Variants in C2orf42 observed in about 807,000 individuals in gnomAD.
C2orf42 encodes the protein uncharacterized protein C2orf42.
Under a neutral mutation model 58.9 loss-of-function variants are expected in C2orf42, and 44 were observed. The observed-to-expected ratio is 0.75, with a 90% CI of 0.59 to 0.96. The LOEUF (loss-of-function observed/expected upper bound fraction) is 0.96. C2orf42 is among the 40% of genes least tolerant of loss of function. The pLI is 0.00. For synonymous variants in C2orf42, 239 were observed against 265.4 expected (o/e 0.90, Z 0.97); for missense variants, 630 against 699.2 (o/e 0.90, Z 1.12).
chr2:70,151,076 G>A (rs1020978806), intron 9 of C2orf42, among the ~76,000 whole-genome samples: 2 of 152,156 alleles, frequency 1.3e-5, no homozygotes, highest in Non-Finnish European at 2.9e-5. Flanking sequence ...TTTAGGCCAG[G>A]CATGGTAGTT....
chr2:70,178,960 G>A (rs188754778), intron 4 of C2orf42, among the ~76,000 whole-genome samples: 4 of 151,758 alleles, frequency 2.6e-5, no homozygotes. Context: ...GTGTGTGGGT[G>A]TGTGTATGTG....
At position 70,181,166 on chromosome 2, in the gene C2orf42, T is replaced by G; in HGVS notation, c.820A>C (p.Ser274Arg). The G allele has an allele frequency of 2.6e-6, 4 of 1,548,760 alleles. No individual in the cohort carries two copies. Among genetic ancestry groups the G allele is most frequent in the Non-Finnish European group, 3.5e-6 (4 of 1,141,982 alleles). The change falls in exon 3 of 10, where the codon AGC (serine) becomes CGC (arginine). Residue 274 changes from serine to arginine, a missense_variant. By Grantham distance (110) the Ser-to-Arg change is moderately radical. Coordinates refer to ENST00000264434, the MANE Select transcript of C2orf42 (RefSeq NM_017880.3). The part of the protein sequence containing the change: ...EFSDFLNFDS[S>R]GLKEIIVPQL... ...CCACATCAACCATACCACCTACCGC[T>G]GGAATCAAAATTTAGGAAGTCTGAG...
chr2:70,150,282 T>G lies in C2orf42; in HGVS notation c.*74A>C. 7.7e-7 allele frequency: 1 copy of G among 1,301,370 alleles called. No individual in the cohort carries two copies. The highest frequency in any genetic ancestry group is 1.7e-5 in the Admixed American group (1 of 58,998). 80.6% of individuals were successfully genotyped at this position (1,301,370 alleles called of 1,614,324 possible). A position where few individuals can be genotyped will look rare whatever the true frequency, so the allele number is the denominator to read the frequency against. On this transcript the variant is annotated 3_prime_UTR_variant, in exon 10 of 10. Coordinates refer to ENST00000264434, the MANE Select transcript of C2orf42 (RefSeq NM_017880.3). ...CAAGGAACAGGGCCATCTAAGTGCC[T>G]AACTAGCATTTAAAGTTGTCAAGGG...
intron 1 of C2orf42, 97 bp downstream of exon 1, chr2:70,190,876 C>G (rs1163554908): frequency 6.6e-6 from 1 of 152,574 alleles, no homozygotes; most frequent in African/African-American, 2.4e-5. Context: ...TACACCCCTG[C>G]CCCACCGCCG....
chr2:70,174,733 C>T (rs56219332), intron 5 of C2orf42, among the ~76,000 whole-genome samples: 22,877 of 149,970 alleles, frequency 0.15, 2,777 homozygotes, highest in African/African-American at 0.33. Context: ...GAAAATGGTG[C>T]GATCTTGGCT....
chr2:70,181,898 G>C lies in C2orf42; in HGVS notation c.88C>G (p.Arg30Gly), dbSNP rs1051079168. The C allele has an allele frequency of 6.2e-7, 1 of 1,613,622 alleles. No individual in the cohort carries two copies. Among genetic ancestry groups the C allele is most frequent in the South Asian group, 1.1e-5 (1 of 91,072 alleles). The change falls in exon 3 of 10, where the codon CGA becomes GGA. Residue 30 changes from arginine (R) to glycine (G), a missense_variant. Transcript: ENST00000264434. ...ATLRGIRKCP[R>G]CGTYNGTRGL... ...CGGGTTCCATTGTATGTGCCACATCGGGGACACTTTCTGATTCCCCTCAAT... is the reference window on the plus strand; with the variant it reads ...CGGGTTCCATTGTATGTGCCACATCCGGGACACTTTCTGATTCCCCTCAAT...
At chr2:70,186,166 A>G (rs1674918629) in intron 1 of C2orf42, among the ~76,000 whole-genome samples, 1 of 152,038 alleles carries the variant, frequency 6.6e-6, no homozygotes, top group African/African-American at 2.4e-5. Context: ...ATGGATTCTT[A>G]GAATATTGTT....
intron 8 of C2orf42, among the ~76,000 whole-genome samples, chr2:70,163,376 C>CT (rs567880490): frequency 3.7e-4 from 56 of 151,926 alleles, no homozygotes; most frequent in Admixed American, 1.4e-3. Context: ...TCCCGAGTAG[C>CT]TGGGACTACA....
intron 7 of C2orf42, 150 bp from the exon 8 acceptor site, chr2:70,165,342 G>T (rs1673325943): frequency 1.6e-6 from 1 of 641,040 alleles, no homozygotes; most frequent in Non-Finnish European, 2.7e-6. Context: ...ATATATAAAA[G>T]GTTTTGGTGA....
chr2:70,172,068 C>A (rs1402368531), intron 5 of C2orf42, among the ~76,000 whole-genome samples: 1 of 151,240 alleles, frequency 6.6e-6, no homozygotes, highest in Non-Finnish European at 1.5e-5. Context: ...ACTAAAAATA[C>A]AAAAAATTAG....
At chr2:70,188,563 C>G (rs975574436) in intron 1 of C2orf42, among the ~76,000 whole-genome samples, 2 of 152,158 alleles carry the variant, frequency 1.3e-5, no homozygotes, top group Non-Finnish European at 2.9e-5. Context: ...AGATAGAACA[C>G]AGTTCCCAAA....
rs762758178 is a variant in C2orf42, at chr2:70,150,554, G to A, written c.1527C>T (p.Ser509=). 1.7e-5 allele frequency: 27 copies of A among 1,612,810 alleles called. 1 individual carries two copies. The Admixed American group carries it at 4.5e-4, about 27-fold the overall frequency. The change falls in exon 10 of 10, where the codon TCC becomes TCT. Residue 509 remains serine, a synonymous_variant. Coordinates refer to ENST00000264434, the MANE Select transcript of C2orf42 (RefSeq NM_017880.3). ...LKTFLKVGNT[S]PDQKEPTPFI... Reference sequence around the variant, plus strand: ...AAGGTGTTGGCTCCTTTTGATCTGGGGAAGTGTTGCCTAAAGAGAAGAAAG... The same window carrying A: ...AAGGTGTTGGCTCCTTTTGATCTGGAGAAGTGTTGCCTAAAGAGAAGAAAG...
At chr2:70,153,516 G>A (rs542191858) in intron 9 of C2orf42, among the ~76,000 whole-genome samples, 2 of 151,006 alleles carry the variant, frequency 1.3e-5, no homozygotes, top group African/African-American at 4.9e-5. Context: ...CCGCCACCAC[G>A]CCCAGCTAAT....
intron 1 of C2orf42, among the ~76,000 whole-genome samples, chr2:70,183,165 TGGTGG>T (rs1332384687): frequency 6.6e-6 from 1 of 152,122 alleles, no homozygotes; most frequent in Non-Finnish European, 1.5e-5. Flanking sequence ...AGGTCTGGCA[TGGTGG>T]CTCACTCCTG....
intron 4 of C2orf42, among the ~76,000 whole-genome samples, chr2:70,178,607 CTAAATAAA>C (rs1019314839): frequency 1.3e-5 from 2 of 151,104 alleles, no homozygotes; most frequent in African/African-American, 4.9e-5. Flanking sequence ...GACTCCATCT[CTAAATAAA>C]TAAATAAATA....
At chr2:70,187,353 T>C (rs57586626) in intron 1 of C2orf42, among the ~76,000 whole-genome samples, 18,148 of 149,764 alleles carry the variant, frequency 0.12, 1,442 homozygotes, top group African/African-American at 0.23. Context: ...CGGGTTCAAG[T>C]GATTCTCCTG....
Position 70,160,737 on chromosome 2 carries a change from A to G in C2orf42, c.1404T>C (p.Tyr468=), listed in dbSNP as rs1212758448. ...CCACTTTAGGGCATTTAAATAGCTC[A>G]TAAGTCCCATCTCGGTTCTGGATAA... The part of the protein sequence containing the change: ...RSFIQNRDGT[Y]ELFKCPKVEV... Residue 468 remains tyrosine, a synonymous_variant, in exon 9 of 10, where the codon TAT becomes TAC. Coordinates refer to ENST00000264434, the MANE Select transcript of C2orf42 (RefSeq NM_017880.3). 4 of 1,611,916 alleles carry G rather than the reference A, an allele frequency of 2.5e-6. No individual in the cohort carries two copies. The highest frequency in any genetic ancestry group is 1.3e-5 in the African/African-American group (1 of 74,786).
chr2:70,174,534 C>T (rs1002438603), intron 5 of C2orf42, among the ~76,000 whole-genome samples: 2 of 152,104 alleles, frequency 1.3e-5, no homozygotes, highest in Admixed American at 6.6e-5. Context: ...GTGTGGTATG[C>T]ATGCATATAG....
At chr2:70,162,324 T>G (rs913664337) in intron 8 of C2orf42, among the ~76,000 whole-genome samples, 26 of 140,756 alleles carry the variant, frequency 1.8e-4, no homozygotes, top group African/African-American at 7.7e-4. Context: ...TTGCTTTCTT[T>G]CTTTCTTTCT....
Sources: gnomAD v4.1 joint callset for allele counts (sites outside exome capture counted in the v4.1 genomes callset) on GRCh38, gnomAD v4.1.1 for gene constraint, MANE v1.5 for transcripts, NCBI Gene and HGNC (gene_info 2026-07-23, HGNC 2026-07-21) for gene names.